GPR83: variants seen among roughly 807,000 people sequenced by gnomAD.
GPR83 encodes the protein G-protein coupled receptor 72.
Under a neutral mutation model 28.0 loss-of-function variants are expected in GPR83, and 23 were observed. The ratio of observed to expected loss-of-function variants is 0.82; its 90% CI spans 0.59 to 1.16. The LOEUF (loss-of-function observed/expected upper bound fraction) is 1.16, where lower values mean the gene tolerates loss of function less well. Among genes scored for constraint, GPR83 ranks in the 50% most tolerant of loss-of-function variants. The pLI, the probability that GPR83 is intolerant of heterozygous loss-of-function variation, is 0.00. For synonymous variants in GPR83, 234 were observed against 215.4 expected, an observed-to-expected ratio of 1.09 and a Z score of -0.76; for missense variants, 610 against 536.6, an observed-to-expected ratio of 1.14 and a Z score of -1.35.
At chr11:94,397,555 T>C (rs1944877802) in intron 1 of GPR83, among the ~76,000 whole-genome samples, 1 of 152,250 alleles carries the variant, frequency 6.6e-6, no homozygotes, top group African/African-American at 2.4e-5. Context: ...CTGATCACTG[T>C]GACCTTGGGC....
At chr11:94,391,680 C>T (rs183563081) in intron 3 of GPR83, among the ~76,000 whole-genome samples, 1 of 152,304 alleles carries the variant, frequency 6.6e-6, no homozygotes, top group African/African-American at 2.4e-5. Flanking sequence ...ACAGACACTT[C>T]TCAGAAGAAG....
chr11:94,386,511 A>T (rs895678092), intron 3 of GPR83, among the ~76,000 whole-genome samples: 1 of 152,208 alleles, frequency 6.6e-6, no homozygotes, highest in Non-Finnish European at 1.5e-5. Context: ...AAGATCTACC[A>T]AGCAAATGGA....
intron 3 of GPR83, among the ~76,000 whole-genome samples, chr11:94,386,154 ACT>A (rs1345837317): frequency 2.0e-5 from 3 of 152,138 alleles, no homozygotes. Flanking sequence ...ATGCTGAGAG[ACT>A]CTGTCACCAC....
chr11:94,396,558 C>G lies in GPR83; in HGVS notation c.388-34G>C, dbSNP rs775253210. 1.2e-5 allele frequency: 20 copies of G among 1,604,928 alleles called. No homozygotes were observed. The South Asian group carries it at 1.5e-4, about 12-fold the overall frequency. On this transcript the variant is annotated intron_variant, in intron 1 of 3. Transcript: ENST00000243673. ...GAGCCCAAAGATGTTAGGAGACAGA[C>G]AGGCCTTGACTTTGACACCCATCCC...
chr11:94,395,715 A>G (rs904176536), intron 2 of GPR83, among the ~76,000 whole-genome samples: 2 of 152,320 alleles, frequency 1.3e-5, no homozygotes, highest in African/African-American at 4.8e-5. Flanking sequence ...CTATTAGAAC[A>G]TCTTCCTGAC....
chr11:94,381,348 A>G (rs796726289), intron 3 of GPR83, among the ~76,000 whole-genome samples: 18 of 152,218 alleles, frequency 1.2e-4, no homozygotes, highest in African/African-American at 4.3e-4. Flanking sequence ...CATCACTAAC[A>G]AAAGAGAGAG....
chr11:94,400,363 G>A (rs764228389), intron 1 of GPR83, among the ~76,000 whole-genome samples: 4 of 152,166 alleles, frequency 2.6e-5, no homozygotes, highest in East Asian at 1.9e-4. Flanking sequence ...CTGATAAGGC[G>A]ATGAGACAGA....
At position 94,400,936 on chromosome 11, in the gene GPR83, C is replaced by T; in HGVS notation, c.312G>A (p.Ser104=). ...GGTTGACGATGAAGAGGCTGGTGGC[C>T]GAGTGCATTCGCTGGTTCTTGAAGA... ...HVIFKNQRMH[S]ATSLFIVNLA... is the part of the protein sequence containing the mutation. Residue 104 remains serine (S), a synonymous_variant, in exon 1 of 4, where the codon TCG becomes TCA. Transcript: ENST00000243673. 6.2e-7 allele frequency: 1 copy of T among 1,613,980 alleles called. No individual in the cohort carries two copies. The highest frequency in any genetic ancestry group is 8.5e-7 in the Non-Finnish European group (1 of 1,179,866).
rs1299443762 is a variant in GPR83 at position 94,379,924 on chromosome 11, G to C, written c.*225C>G. The C allele has an allele frequency of 7.7e-6, 3 of 389,520 alleles. No individual in the cohort carries two copies. The highest frequency in any genetic ancestry group is 6.1e-5 in the African/African-American group (3 of 48,884). The allele number at this position is 389,520 out of a possible 1,614,324, so 24.1% of individuals were successfully genotyped here. On this transcript the variant is annotated 3_prime_UTR_variant, in exon 4 of 4. Transcript: ENST00000243673. ...GAGATACAGGCTGCTGTGCCTCCCA[G>C]TGTTTCTTAGATGGGAATTTATGAA...
intron 2 of GPR83, among the ~76,000 whole-genome samples, chr11:94,394,852 T>C (rs1049290985): frequency 2.0e-5 from 3 of 152,142 alleles, no homozygotes; most frequent in African/African-American, 7.2e-5. Context: ...TATGTTGCAG[T>C]AACATGGTCA....
chr11:94,389,190 CTT>C (rs1944789632), intron 3 of GPR83, among the ~76,000 whole-genome samples: 1 of 152,190 alleles, frequency 6.6e-6, no homozygotes. Flanking sequence ...GGATTAAAGA[CTT>C]AAATGTTAGA....
At chr11:94,381,587 G>GTGTGT (rs1944690065) in intron 3 of GPR83, among the ~76,000 whole-genome samples, 1 of 151,308 alleles carries the variant, frequency 6.6e-6, no homozygotes, top group Non-Finnish European at 1.5e-5. Context: ...GTGCGCGCGT[G>GTGTGT]CTGCAGGTGG....
intron 2 of GPR83, among the ~76,000 whole-genome samples, chr11:94,396,029 G>A: frequency 6.6e-6 from 1 of 152,166 alleles, no homozygotes; most frequent in East Asian, 1.9e-4. Context: ...AGACCAGCCT[G>A]GCCGACATGG....
intron 3 of GPR83, among the ~76,000 whole-genome samples, chr11:94,381,347 C>T (rs78853700): frequency 0.016 from 2,371 of 151,948 alleles, 23 homozygotes; most frequent in Middle Eastern, 0.034. Flanking sequence ...TCATCACTAA[C>T]AAAAGAGAGA....
chr11:94,378,235 C>A lies in GPR83; in HGVS notation c.*1914G>T, dbSNP rs1434881900. The A allele has an allele frequency of 6.6e-6, 1 of 152,070 alleles. No homozygotes were observed. The highest frequency in any genetic ancestry group is 1.5e-5 in the Non-Finnish European group (1 of 68,018). 9.4% of individuals were successfully genotyped at this position (152,070 alleles called of 1,614,324 possible). On this transcript the variant is annotated 3_prime_UTR_variant, in exon 4 of 4. Transcript: ENST00000243673. ...ATAAATAGAAACTAGGATAAAGAAC[C>A]CTCATAGTTCATTACAGGGAAGCAG...
chr11:94,385,661 A>G (rs1944746697), intron 3 of GPR83, among the ~76,000 whole-genome samples: 1 of 152,234 alleles, frequency 6.6e-6, no homozygotes, highest in Non-Finnish European at 1.5e-5. Flanking sequence ...ATGAATAAAA[A>G]GAAATGAACA....
At position 94,380,662 on chromosome 11, in the gene GPR83, G is replaced by A. The variant is rs1944678032; in HGVS notation, c.759C>T (p.Leu253=). ...TFILLYILPL[L]IISVAYARVA... is the part of the protein sequence containing the mutation. ...CACGAGCGTAGGCCACAGAGATGATGAGGAGGGGCAGGATGTAGAGCAGGA... is the reference window on the plus strand; with the variant it reads ...CACGAGCGTAGGCCACAGAGATGATAAGGAGGGGCAGGATGTAGAGCAGGA... Residue 253 remains leucine (L), a synonymous_variant, in exon 4 of 4, where the codon CTC becomes CTT. Coordinates refer to ENST00000243673, the MANE Select transcript of GPR83 (RefSeq NM_016540.4). 2.5e-6 allele frequency: 4 copies of A among 1,613,906 alleles called. No individual in the cohort carries two copies. Among genetic ancestry groups the A allele is most frequent in the East Asian group, 2.2e-5 (1 of 44,890 alleles).
chr11:94,400,546 C>CAA (rs34496676), intron 1 of GPR83, among the ~76,000 whole-genome samples: 37,261 of 116,862 alleles, frequency 0.32, 5,757 homozygotes, highest in South Asian at 0.43. Context: ...GGCTGAAAGA[C>CAA]AAAAAAAAAA....
At position 94,380,206 on chromosome 11, in the gene GPR83, T is replaced by C; in HGVS notation, c.1215A>G (p.Gln405=). The change falls in exon 4 of 4, where the codon CAA becomes CAG. Residue 405 remains glutamine, a synonymous_variant. Coordinates refer to ENST00000243673, the MANE Select transcript of GPR83 (RefSeq NM_016540.4). ...ACAGGTCTGTCTTCCCAGACTGGAG[T>C]TGGGAGGTGGGCAGGAGGTTATTGG... is the stretch of plus-strand genomic sequence containing the variant. ...PLANNLLPTS[Q]LQSGKTDLSS... 3.9e-6 allele frequency: 6 copies of C among 1,519,206 alleles called. No individual in the cohort carries two copies. Among genetic ancestry groups the C allele is most frequent in the Admixed American group, 2.2e-5 (1 of 44,578 alleles). 94.1% of individuals were successfully genotyped at this position (1,519,206 alleles called of 1,614,324 possible). A position where few individuals can be genotyped will look rare whatever the true frequency, so the allele number is the denominator to read the frequency against.
Sources: allele counts gnomAD v4.1 joint callset (sites outside exome capture counted in the v4.1 genomes callset), GRCh38; gene constraint gnomAD v4.1.1; transcripts MANE v1.5; gene names NCBI Gene and HGNC (gene_info 2026-07-23, HGNC 2026-07-21).